The following MCTP2 variants were observed in gnomAD, a reference collection of about 807,000 sequenced individuals.
The protein encoded by MCTP2 is multiple C2 and transmembrane domain-containing protein 2.
Under a neutral mutation model 111.6 loss-of-function variants are expected in MCTP2, and 132 were observed. That is an observed-to-expected ratio of 1.18 (90% confidence interval 1.03 to 1.37). The LOEUF (loss-of-function observed/expected upper bound fraction) is 1.37, where lower values mean the gene tolerates loss of function less well. Among genes scored for constraint, MCTP2 ranks in the 40% most tolerant of loss-of-function variants. The pLI is 0.00. For missense variants in MCTP2, 1,183 were observed against 1,067.9 expected, an observed-to-expected ratio of 1.11 and a Z score of -1.50; for synonymous variants, 395 against 387.7, an observed-to-expected ratio of 1.02 and a Z score of -0.22.
chr15:94,276,068 T>C (rs534626706), intron 1 of MCTP2, among the ~76,000 whole-genome samples: 2 of 151,932 alleles, frequency 1.3e-5, no homozygotes, highest in African/African-American at 4.8e-5. Context: ...ATGGTCTTGA[T>C]CTCCTGACCT....
intron 17 of MCTP2, among the ~76,000 whole-genome samples, chr15:94,432,079 G>C (rs923364209): frequency 6.6e-6 from 1 of 152,116 alleles, no homozygotes; most frequent in Non-Finnish European, 1.5e-5. Context: ...TTTTGAATGA[G>C]CAGTACCTTA....
At chr15:94,405,070 G>A (rs1285119713) in intron 17 of MCTP2, among the ~76,000 whole-genome samples, 1 of 152,204 alleles carries the variant, frequency 6.6e-6, no homozygotes, top group Non-Finnish European at 1.5e-5. Context: ...ATGACCCGTA[G>A]TCAGGTCCTC....
rs2080404278 is a variant in MCTP2, at chr15:94,385,454, G to A, written c.1717G>A (p.Val573Met). Residue 573 changes from valine to methionine, a missense_variant, in exon 14 of 23, where the codon GTG becomes ATG. Coordinates refer to ENST00000357742, the MANE Select transcript of MCTP2 (RefSeq NM_001385001.1). ...PIKDIHDVLE[V>M]TVFDEDGDKP... is the part of the protein sequence containing the mutation. ...TAAAGATATCCATGATGTTTTGGAA[G>A]TGACAGTGTTTGATGAAGATGGAGA... 2.5e-6 allele frequency: 4 copies of A among 1,613,372 alleles called. No individual in the cohort carries two copies. The highest frequency in any genetic ancestry group is 3.4e-6 in the Non-Finnish European group (4 of 1,179,580).
chr15:94,361,675 C>T (rs563626371), intron 10 of MCTP2, among the ~76,000 whole-genome samples: 6 of 152,158 alleles, frequency 3.9e-5, no homozygotes, highest in Non-Finnish European at 7.3e-5. Context: ...TAAGATATGA[C>T]TAGTAAAATT....
chr15:94,252,606 T>A (rs2072509952), intron 1 of MCTP2, among the ~76,000 whole-genome samples: 1 of 152,170 alleles, frequency 6.6e-6, no homozygotes, highest in Middle Eastern at 3.4e-3. Context: ...AACCACAAAT[T>A]TTTTATTCAT....
chr15:94,410,915 T>A (rs3784645), intron 17 of MCTP2, among the ~76,000 whole-genome samples: 35,658 of 152,162 alleles, frequency 0.23, 4,356 homozygotes, highest in East Asian at 0.45. Flanking sequence ...TTCTTGTCTG[T>A]TATGCATTTT....
chr15:94,462,690 G>A (rs115242584), intron 20 of MCTP2, among the ~76,000 whole-genome samples: 107 of 152,262 alleles, frequency 7.0e-4, no homozygotes, highest in African/African-American at 2.4e-3. Flanking sequence ...AGACGGGATC[G>A]TAACCAATTT....
intron 2 of MCTP2, among the ~76,000 whole-genome samples, chr15:94,306,816 T>C (rs1227760985): frequency 6.6e-6 from 1 of 152,152 alleles, no homozygotes; most frequent in African/African-American, 2.4e-5. Context: ...AAGTTCCCCA[T>C]TGAGATATTT....
chr15:94,355,141 A>G (rs140189258), intron 8 of MCTP2, among the ~76,000 whole-genome samples: 5 of 152,380 alleles, frequency 3.3e-5, no homozygotes, highest in Non-Finnish European at 7.3e-5. Context: ...CATCAGGGAA[A>G]TGTGAATATG....
In MCTP2 at chr15:94,306,781, C is replaced by T. The variant is rs75400864; in HGVS notation, c.466-7501C>T. ...AATAACTAGCTTTGGCATGCACTTA[C>T]GTGGGTGAGTTGAGTGATTTAGAGA... On this transcript the variant is annotated intron_variant, in intron 2 of 22. Coordinates refer to ENST00000357742, the MANE Select transcript of MCTP2 (RefSeq NM_001385001.1). 2.9e-3 allele frequency among the ~76,000 whole-genome samples: 445 copies of T among 152,196 alleles called. 1 individual carries two copies. The highest frequency in any genetic ancestry group is 0.01 in the African/African-American group (421 of 41,488).
At chr15:94,390,839 C>T (rs1235998993) in intron 14 of MCTP2, among the ~76,000 whole-genome samples, 3 of 149,296 alleles carry the variant, frequency 2.0e-5, no homozygotes. Context: ...AAGCAATTCT[C>T]CTGCCTCAGT....
At chr15:94,414,353 A>T (rs1015663959) in intron 17 of MCTP2, among the ~76,000 whole-genome samples, 11 of 152,194 alleles carry the variant, frequency 7.2e-5, no homozygotes, top group African/African-American at 2.2e-4. Flanking sequence ...CCAATTACTC[A>T]TGAGGGAGAG....
intron 20 of MCTP2, among the ~76,000 whole-genome samples, chr15:94,466,955 CAG>C (rs2073386358): frequency 6.6e-6 from 1 of 151,966 alleles, no homozygotes; most frequent in African/African-American, 2.4e-5. Context: ...AAAACTCTAC[CAG>C]ATATCAATAA....
intron 2 of MCTP2, among the ~76,000 whole-genome samples, chr15:94,312,764 A>C (rs1393156545): frequency 6.6e-6 from 1 of 152,112 alleles, no homozygotes; most frequent in Non-Finnish European, 1.5e-5. Flanking sequence ...GCCCAGTTGC[A>C]GCCTTTCTCG....
chr15:94,378,097 G>A lies in MCTP2; in HGVS notation c.1583-5925G>A, dbSNP rs189496077. On this transcript the variant is annotated intron_variant, in intron 12 of 22. Transcript: ENST00000357742. ...TATGATCCGATATAAACTAACAAAA[G>A]TTTATTCTGGCAGCTGTGAGGAGCA... Among the ~76,000 whole-genome samples the A allele has an allele frequency of 1.7e-3, 252 of 152,252 alleles. 1 individual carries two copies. Among genetic ancestry groups the A allele is most frequent in the Non-Finnish European group, 2.6e-3 (176 of 68,018 alleles).
In MCTP2 at chr15:94,259,534, G is replaced by C. The variant is rs180986954; in HGVS notation, c.-66+27870G>C. On this transcript the variant is annotated intron_variant, in intron 1 of 22. Transcript: ENST00000357742. ...CTTGGACTCTTGTGTAACTATTTCTGTTCTATGTAGTAGTTATATATCCCA... is the reference window on the plus strand; with the variant it reads ...CTTGGACTCTTGTGTAACTATTTCTCTTCTATGTAGTAGTTATATATCCCA... 2.1e-4 allele frequency among the ~76,000 whole-genome samples: 32 copies of C among 152,212 alleles called. No homozygotes were observed. The East Asian group carries it at 3.1e-3, about 15-fold the overall frequency.
At chr15:94,412,174 A>T (rs1469414445) in intron 17 of MCTP2, among the ~76,000 whole-genome samples, 1 of 152,198 alleles carries the variant, frequency 6.6e-6, no homozygotes, top group Non-Finnish European at 1.5e-5. Flanking sequence ...GTTTGAATAG[A>T]GGATTCTCAG....
At chr15:94,303,064 A>ATATATATATATATATAGTT (rs773307490) in intron 2 of MCTP2, among the ~76,000 whole-genome samples, 2 of 125,924 alleles carry the variant, frequency 1.6e-5, no homozygotes, top group African/African-American at 6.0e-5. Context: ...CTAATGGAAT[A>ATATATATATATATATAGTT]TATATATATA....
chr15:94,387,001 G>A (rs779850129), intron 14 of MCTP2, among the ~76,000 whole-genome samples: 4 of 152,182 alleles, frequency 2.6e-5, no homozygotes, highest in Non-Finnish European at 5.9e-5. Flanking sequence ...TGTGGTGGCT[G>A]GCATTTAAAG....
Sources: gnomAD v4.1 joint callset for allele counts (sites outside exome capture counted in the v4.1 genomes callset) on GRCh38, gnomAD v4.1.1 for gene constraint, MANE v1.5 for transcripts, NCBI Gene and HGNC (gene_info 2026-07-23, HGNC 2026-07-21) for gene names.